The following DAP variants were observed in gnomAD, a reference collection of about 807,000 sequenced individuals.
DAP encodes death associated protein.
In DAP, 8 loss-of-function variants were observed where a neutral mutation model predicts 13.8. That is an observed-to-expected ratio of 0.58 (90% CI 0.34 to 1.05). The LOEUF is 1.05. Ranked by LOEUF, DAP falls within the 50% of genes least tolerant of loss-of-function variation. The pLI is 0.03. For synonymous variants in DAP, 47 were observed against 47.5 expected, an observed-to-expected ratio of 0.99 and a Z score of 0.04; for missense variants, 106 against 133.2, an observed-to-expected ratio of 0.80 and a Z score of 1.01.
At chr5:10,754,791 C>G (rs529029071) in intron 1 of DAP, among the ~76,000 whole-genome samples, 73 of 152,324 alleles carry the variant, frequency 4.8e-4, no homozygotes, top group African/African-American at 1.7e-3. Flanking sequence ...GAGGCTAGGA[C>G]TAGTCAGGTG....
intron 2 of DAP, among the ~76,000 whole-genome samples, chr5:10,698,289 A>AAAG (rs1738481696): frequency 1.4e-5 from 2 of 145,946 alleles, no homozygotes; most frequent in South Asian, 4.2e-4. Flanking sequence ...TAGCAAAAAA[A>AAAG]AAAAAAAAAA....
Position 10,723,084 on chromosome 5 carries a change from A to C in DAP, c.152+25091T>G, listed in dbSNP as rs151068683. Among the ~76,000 whole-genome samples the C allele has an allele frequency of 5.9e-5, 9 of 152,358 alleles. No homozygotes were observed. The East Asian group carries it at 1.7e-3, about 29-fold the overall frequency. On this transcript the variant is annotated intron_variant, in intron 2 of 3. Transcript: ENST00000230895. ...GTCAATGCCAAAGAAATATAGACAG[A>C]TATGCCTTATGTATTTTGCCATGTC...
intron 2 of DAP, among the ~76,000 whole-genome samples, chr5:10,683,948 C>T (rs1026204730): frequency 7.9e-5 from 12 of 152,142 alleles, no homozygotes; most frequent in Admixed American, 3.9e-4. Flanking sequence ...TTCAGTCTCC[C>T]GAGTAGCTGG....
intron 3 of DAP, among the ~76,000 whole-genome samples, chr5:10,682,731 G>A (rs989470191): frequency 2.0e-5 from 3 of 152,278 alleles, no homozygotes; most frequent in African/African-American, 4.8e-5. Context: ...ACACTGGCAG[G>A]ACAGCAAGAA....
intron 2 of DAP, among the ~76,000 whole-genome samples, chr5:10,734,601 T>C (rs1293911501): frequency 6.6e-6 from 1 of 152,182 alleles, no homozygotes; most frequent in African/African-American, 2.4e-5. Context: ...ATCCTGACAG[T>C]GCTATTACCC....
chr5:10,728,566 A>G (rs1392431943), intron 2 of DAP, among the ~76,000 whole-genome samples: 1 of 152,264 alleles, frequency 6.6e-6, no homozygotes, highest in East Asian at 1.9e-4. Flanking sequence ...AGTGCTACTA[A>G]TTGATAATTT....
chr5:10,757,570 G>A (rs1458571488), intron 1 of DAP, among the ~76,000 whole-genome samples: 1 of 152,140 alleles, frequency 6.6e-6, no homozygotes, highest in Non-Finnish European at 1.5e-5. Flanking sequence ...CACGACACCC[G>A]GCTCTGGGTC....
At chr5:10,747,973 A>G in intron 2 of DAP, 1 of 518,356 alleles carries the variant, frequency 1.9e-6, no homozygotes, top group Admixed American at 3.2e-5. Flanking sequence ...ACTGCTCAGG[A>G]AAGAGGACCT....
Position 10,748,251 on chromosome 5 carries a change from T to G in DAP, c.76A>C (p.Ile26Leu). Residue 26 changes from isoleucine (I) to leucine (L), a missense_variant, in exon 2 of 4, where the codon ATT (isoleucine) becomes CTT (leucine). By Grantham distance (5) the Ile-to-Leu change is conservative (BLOSUM62 2). Coordinates refer to ENST00000230895, the MANE Select transcript of DAP (RefSeq NM_004394.3). ...PPAVKAGGMR[I>L]VQKHPHTGDT... Reference sequence around the variant, plus strand: ...CCTGTATGTGGGTGTTTCTGCACAATTCGCATTCCACCAGCTTTCACTGAA... The same window carrying G: ...CCTGTATGTGGGTGTTTCTGCACAAGTCGCATTCCACCAGCTTTCACTGAA... 1 of 1,613,870 alleles carries G rather than the reference T, an allele frequency of 6.2e-7. No individual in the cohort carries two copies. Among genetic ancestry groups the G allele is most frequent in the Non-Finnish European group, 8.5e-7 (1 of 1,179,828 alleles).
intron 2 of DAP, among the ~76,000 whole-genome samples, chr5:10,701,749 G>C (rs1738583110): frequency 6.6e-6 from 1 of 152,142 alleles, no homozygotes; most frequent in Non-Finnish European, 1.5e-5. Context: ...CCCTGGGACG[G>C]TCTGGGTTCA....
chr5:10,692,470 C>T (rs920835369), intron 2 of DAP, among the ~76,000 whole-genome samples: 4 of 152,088 alleles, frequency 2.6e-5, no homozygotes, highest in Non-Finnish European at 5.9e-5. Context: ...CCAGGTGGGC[C>T]GGATTCTGTC....
At chr5:10,721,777 C>T (rs1739149759) in intron 2 of DAP, among the ~76,000 whole-genome samples, 1 of 152,184 alleles carries the variant, frequency 6.6e-6, no homozygotes, top group African/African-American at 2.4e-5. Context: ...GTGACCAGTT[C>T]CGGCTCCAGA....
At chr5:10,726,724 C>T (rs1270362444) in intron 2 of DAP, among the ~76,000 whole-genome samples, 1 of 152,066 alleles carries the variant, frequency 6.6e-6, no homozygotes, top group African/African-American at 2.4e-5. Context: ...TCAGCTAATA[C>T]GTCAGCCTGC....
intron 2 of DAP, among the ~76,000 whole-genome samples, chr5:10,691,276 C>T (rs967164008): frequency 2.0e-5 from 3 of 152,232 alleles, no homozygotes; most frequent in African/African-American, 4.8e-5. Context: ...CGTGACAGAG[C>T]GTATGTTGTG....
At chr5:10,742,353 T>G (rs767763399) in intron 2 of DAP, among the ~76,000 whole-genome samples, 4 of 152,066 alleles carry the variant, frequency 2.6e-5, no homozygotes, top group Non-Finnish European at 4.4e-5. Flanking sequence ...GCCAACATGG[T>G]GAAACCCCGT....
chr5:10,723,649 G>A (rs756072121), intron 2 of DAP, among the ~76,000 whole-genome samples: 5 of 152,232 alleles, frequency 3.3e-5, no homozygotes, highest in Non-Finnish European at 7.3e-5. Flanking sequence ...GCATGTTACA[G>A]TCACTAATTA....
intron 3 of DAP, among the ~76,000 whole-genome samples, chr5:10,682,262 C>G (rs188393072): frequency 9.2e-5 from 14 of 151,418 alleles, no homozygotes; most frequent in African/African-American, 3.1e-4. Context: ...ACCAGCCTCC[C>G]TGCAGGAAGC....
intron 2 of DAP, among the ~76,000 whole-genome samples, chr5:10,742,973 G>A (rs911021963): frequency 6.8e-6 from 1 of 147,384 alleles, no homozygotes; most frequent in Non-Finnish European, 1.5e-5. Context: ...AGAACCATAT[G>A]TTCATACAGA....
intron 2 of DAP, among the ~76,000 whole-genome samples, chr5:10,704,713 C>T (rs1009290856): frequency 6.6e-6 from 1 of 152,086 alleles, no homozygotes; most frequent in African/African-American, 2.4e-5. Flanking sequence ...AACTGAGCAC[C>T]AACACCTGTC....
Sources: gnomAD v4.1 joint callset for allele counts (sites outside exome capture counted in the v4.1 genomes callset) on GRCh38, gnomAD v4.1.1 for gene constraint, MANE v1.5 for transcripts, NCBI Gene and HGNC (gene_info 2026-07-23, HGNC 2026-07-21) for gene names.